The following AMOTL1 variants were observed in gnomAD, a reference collection of about 807,000 sequenced individuals.
The protein encoded by AMOTL1 is angiomotin like 1, also known as angiomotin-like protein 1.
Under a neutral mutation model 102.9 loss-of-function variants are expected in AMOTL1, and 45 were observed. The observed-to-expected ratio is 0.44, with a 90% CI of 0.34 to 0.56. AMOTL1 has a LOEUF of 0.56. Ranked by LOEUF, AMOTL1 falls within the 20% of genes least tolerant of loss-of-function variation. The pLI, the probability that AMOTL1 is intolerant of heterozygous loss-of-function variation, is 0.01. For missense variants in AMOTL1, 1,114 were observed against 1,225.6 expected, an observed-to-expected ratio of 0.91 and a Z score of 1.36; for synonymous variants, 481 against 484.7, an observed-to-expected ratio of 0.99 and a Z score of 0.10.
chr11:94,820,957 T>C lies in AMOTL1; in HGVS notation c.1122-573T>C, dbSNP rs193241441. Among the ~76,000 whole-genome samples the C allele has an allele frequency of 1.1e-3, 164 of 152,294 alleles. 1 individual carries two copies. The highest frequency in any genetic ancestry group is 3.8e-3 in the African/African-American group (157 of 41,556). On this transcript the variant is annotated intron_variant, in intron 3 of 12. Transcript: ENST00000433060. The stretch of plus-strand genomic sequence containing the variant: ...AGATGAAACTTTGCTCACTTACCTA[T>C]TGCTGTGTGGCCCAGTCCCTAATAG...
chr11:94,749,260 C>T (rs925627340), intron 3 of AMOTL1, among the ~76,000 whole-genome samples: 82 of 152,196 alleles, frequency 5.4e-4, no homozygotes, highest in Admixed American at 1.4e-3. Flanking sequence ...GAGTTCAAAA[C>T]CCAAACAACC....
intron 2 of AMOTL1, among the ~76,000 whole-genome samples, chr11:94,734,388 AG>A (rs1227956137): frequency 6.6e-6 from 1 of 152,262 alleles, no homozygotes; most frequent in Non-Finnish European, 1.5e-5. Flanking sequence ...AGTCTTATAA[AG>A]AAGTGGAGCT....
chr11:94,862,008 C>G (rs897962068), intron 9 of AMOTL1, among the ~76,000 whole-genome samples: 2 of 152,140 alleles, frequency 1.3e-5, no homozygotes, highest in African/African-American at 2.4e-5. Context: ...ATGACTCTTA[C>G]CCCAGAGAAC....
chr11:94,866,837 G>T (rs1952895499), intron 11 of AMOTL1: 1 of 153,040 alleles, frequency 6.5e-6, no homozygotes, highest in Admixed American at 6.5e-5. Flanking sequence ...GGTAGGGGTG[G>T]TAAGTTTTTG....
Position 94,814,087 on chromosome 11 carries a change from A to C in AMOTL1, c.1122-7443A>C, listed in dbSNP as rs1951726650. On this transcript the variant is annotated intron_variant, in intron 3 of 12. Coordinates refer to ENST00000433060, the MANE Select transcript of AMOTL1 (RefSeq NM_130847.3). ...GGCTTCTATCTTTTAACATTTATTT[A>C]ACTCTGGGATTTGGAAGTCACTTAT... Among the ~76,000 whole-genome samples, 4 of 152,192 alleles carry C rather than the reference A, an allele frequency of 2.6e-5. No homozygotes were observed. The South Asian group carries it at 8.3e-4, about 32-fold the overall frequency.
At chr11:94,867,116 A>G (rs769094683) in intron 11 of AMOTL1, among the ~76,000 whole-genome samples, 11 of 152,120 alleles carry the variant, frequency 7.2e-5, no homozygotes, top group Non-Finnish European at 1.3e-4. Flanking sequence ...TAAGACCCCA[A>G]AGGAGACTGG....
chr11:94,852,546 A>G (rs1394144449), intron 7 of AMOTL1, among the ~76,000 whole-genome samples: 1 of 152,276 alleles, frequency 6.6e-6, no homozygotes, highest in Non-Finnish European at 1.5e-5. Flanking sequence ...GAATGCTGTC[A>G]GTATGCCCAG....
intron 3 of AMOTL1, among the ~76,000 whole-genome samples, chr11:94,762,257 T>C (rs935016472): frequency 1.3e-5 from 2 of 152,292 alleles, no homozygotes; most frequent in Non-Finnish European, 2.9e-5. Flanking sequence ...CTCAATGGAA[T>C]GATCAATATG....
At chr11:94,712,490 C>A (rs1415673462) in intron 1 of AMOTL1, among the ~76,000 whole-genome samples, 1 of 151,944 alleles carries the variant, frequency 6.6e-6, no homozygotes, top group Non-Finnish European at 1.5e-5. Flanking sequence ...CAAGTTGGAC[C>A]TAATTAAACT....
upstream of AMOTL1, among the ~76,000 whole-genome samples, chr11:94,765,104 A>G (rs1950840158): frequency 1.3e-5 from 2 of 152,154 alleles, no homozygotes; most frequent in African/African-American, 4.8e-5. Context: ...TTTTGAGTGA[A>G]AGACTGCTCT....
At chr11:94,708,095 C>T (rs1005106382) in intron 1 of AMOTL1, among the ~76,000 whole-genome samples, 1 of 152,172 alleles carries the variant, frequency 6.6e-6, no homozygotes, top group Non-Finnish European at 1.5e-5. Context: ...CCCACCACTA[C>T]TACCTTGGTC....
Position 94,861,043 on chromosome 11 carries a change from G to A in AMOTL1, c.2135+1328G>A, listed in dbSNP as rs114231676. ...GTGGGTGCCACAGCACACTTGCACC[G>A]AGAAAGACCTACAGACCCATGTGGA... On this transcript the variant is annotated intron_variant, in intron 9 of 12. Transcript: ENST00000433060. Among the ~76,000 whole-genome samples the A allele has an allele frequency of 4.4e-3, 671 of 152,302 alleles. 13 individuals are homozygous for A. The highest frequency in any genetic ancestry group is 0.016 in the African/African-American group (652 of 41,568).
At chr11:94,831,630 T>G in intron 6 of AMOTL1, 89 bp downstream of exon 6, 93 of 1,154,764 alleles carry the variant, frequency 8.1e-5, no homozygotes, top group Non-Finnish European at 1.1e-4. Flanking sequence ...AAGTGGGTTT[T>G]GTGCTGTTTG....
At chr11:94,797,001 G>A in intron 2 of AMOTL1, 5 of 985,336 alleles carry the variant, frequency 5.1e-6, no homozygotes, top group Non-Finnish European at 6.0e-6. Context: ...GATTAAATGT[G>A]GAGAGCAAAG....
rs972237390 is a variant in AMOTL1, at chr11:94,875,248, G to T, written c.*4453G>T. On this transcript the variant is annotated 3_prime_UTR_variant, in exon 13 of 13. Transcript: ENST00000433060. ...GTAATTAAGAAGTTACCAGAAATTG[G>T]TCGGCTGGGGAAATGCAAAAGTTAG... 22 of 152,212 alleles carry T rather than the reference G, an allele frequency of 1.4e-4. No individual in the cohort carries two copies. The highest frequency in any genetic ancestry group is 5.3e-4 in the African/African-American group (22 of 41,452). 9.4% of individuals were successfully genotyped at this position (152,212 alleles called of 1,614,324 possible).
chr11:94,798,932 G>A (rs1004057763), intron 2 of AMOTL1, among the ~76,000 whole-genome samples: 1 of 152,142 alleles, frequency 6.6e-6, no homozygotes, highest in African/African-American at 2.4e-5. Context: ...GGGAAGGGGA[G>A]ACAGCAAGTG....
At chr11:94,863,506 C>T (rs975297244) in intron 9 of AMOTL1, among the ~76,000 whole-genome samples, 3 of 151,980 alleles carry the variant, frequency 2.0e-5, no homozygotes, top group Non-Finnish European at 4.4e-5. Flanking sequence ...ACAAGAGAAT[C>T]GCTTGAACTC....
At chr11:94,768,075 G>C (rs1042070253), upstream of AMOTL1, among the ~76,000 whole-genome samples, 1 of 152,212 alleles carries the variant, frequency 6.6e-6, no homozygotes, top group African/African-American at 2.4e-5. Context: ...ACAAAGTGGA[G>C]GGAGAACTGG....
At chr11:94,846,108 A>G (rs796954509) in intron 6 of AMOTL1, among the ~76,000 whole-genome samples, 52 of 152,272 alleles carry the variant, frequency 3.4e-4, no homozygotes, top group African/African-American at 1.2e-3. Context: ...CCATGTCTCC[A>G]AGAGTTGGGG....
Sources: gnomAD v4.1 joint callset for allele counts (sites outside exome capture counted in the v4.1 genomes callset) on GRCh38, gnomAD v4.1.1 for gene constraint, MANE v1.5 for transcripts, NCBI Gene and HGNC (gene_info 2026-07-23, HGNC 2026-07-21) for gene names.